RAB5A: variants seen among roughly 807,000 people sequenced by gnomAD.
RAB5A encodes the protein RAB5A, member RAS oncogene family, also known as ras-related protein Rab-5A.
RAB5A carries 8 observed loss-of-function variants against 25.7 expected under a neutral mutation model. That is an observed-to-expected ratio of 0.31 (90% CI 0.18 to 0.56). The LOEUF (loss-of-function observed/expected upper bound fraction) is 0.56, where lower values mean the gene tolerates loss of function less well. Among genes scored for constraint, RAB5A ranks in the 20% least tolerant of loss-of-function variants. The pLI is 0.91. For missense variants in RAB5A, 192 were observed against 259.7 expected (o/e 0.74, Z 1.79); for synonymous variants, 98 against 89.8 (o/e 1.09, Z -0.52).
chr3:19,973,010 A>T (rs1486542869), intron 2 of RAB5A, among the ~76,000 whole-genome samples: 1 of 152,232 alleles, frequency 6.6e-6, no homozygotes, highest in Non-Finnish European at 1.5e-5. Flanking sequence ...TTTGCCACAC[A>T]CTTAATACTA....
rs1227366526 is a variant in RAB5A at position 19,984,287 on chromosome 3, C to T, written c.*464C>T. The T allele has an allele frequency of 2.3e-6, 1 of 430,004 alleles. No homozygotes were observed. Among genetic ancestry groups the T allele is most frequent in the East Asian group, 7.2e-5 (1 of 13,906 alleles). The allele number at this position is 430,004 out of a possible 1,614,324, so 26.6% of individuals were successfully genotyped here. On this transcript the variant is annotated 3_prime_UTR_variant, in exon 6 of 6. Transcript: ENST00000273047. ...ATAGTATTCAGGCAAATGTTCATTTCTCCTGGTACCTGTATTTAAAATGTA... is the reference window on the plus strand; with the variant it reads ...ATAGTATTCAGGCAAATGTTCATTTTTCCTGGTACCTGTATTTAAAATGTA...
At chr3:19,959,138 G>A (rs945482825) in intron 2 of RAB5A, among the ~76,000 whole-genome samples, 2 of 152,152 alleles carry the variant, frequency 1.3e-5, no homozygotes, top group Non-Finnish European at 2.9e-5. Context: ...TATTCAAGCT[G>A]TTTGGTAGAA....
chr3:19,969,048 T>TTG (rs1330125874), intron 2 of RAB5A, among the ~76,000 whole-genome samples: 7 of 138,976 alleles, frequency 5.0e-5, no homozygotes, highest in Non-Finnish European at 9.5e-5. Flanking sequence ...TTTTTTGGTT[T>TTG]TTTTTTTTTT....
chr3:19,951,801 A>G (rs965372247), intron 2 of RAB5A, among the ~76,000 whole-genome samples: 10 of 149,486 alleles, frequency 6.7e-5, no homozygotes, highest in African/African-American at 2.5e-4. Flanking sequence ...CCTCCCAGGT[A>G]GCTGTGATTA....
intron 2 of RAB5A, 121 bp downstream of exon 2, chr3:19,951,182 G>A (rs1696417253): frequency 8.8e-7 from 1 of 1,141,922 alleles, no homozygotes; most frequent in Non-Finnish European, 1.2e-6. Flanking sequence ...GAAAAGAGCT[G>A]TTCAGCTTAC....
chr3:19,960,601 T>C (rs1696571568), intron 2 of RAB5A, among the ~76,000 whole-genome samples: 1 of 152,174 alleles, frequency 6.6e-6, no homozygotes, highest in Non-Finnish European at 1.5e-5. Context: ...TTTTCAGGCA[T>C]CATTTTTTGT....
At chr3:19,963,473 A>G (rs1696620391) in intron 2 of RAB5A, among the ~76,000 whole-genome samples, 1 of 149,520 alleles carries the variant, frequency 6.7e-6, no homozygotes, top group South Asian at 2.1e-4. Context: ...AAAGAATTCT[A>G]ATCTTCATCC....
chr3:19,980,582 C>T (rs114296948), intron 5 of RAB5A, among the ~76,000 whole-genome samples: 1,750 of 152,150 alleles, frequency 0.012, 35 homozygotes, highest in African/African-American at 0.04. Context: ...CCTTCATCCT[C>T]TTAATCTCAC....
chr3:19,976,006 T>G, intron 3 of RAB5A, 41 bp from the exon 4 acceptor site: 1 of 1,585,774 alleles, frequency 6.3e-7, no homozygotes, highest in East Asian at 2.2e-5. Flanking sequence ...TGGTAACCAT[T>G]TTTTGAGCCT....
intron 5 of RAB5A, among the ~76,000 whole-genome samples, chr3:19,982,945 A>G (rs753659348): frequency 1.3e-5 from 2 of 152,290 alleles, no homozygotes; most frequent in South Asian, 2.1e-4. Flanking sequence ...GTTCTAAAAA[A>G]TGTTTGTGGC....
chr3:19,959,289 A>G (rs921166963), intron 2 of RAB5A, among the ~76,000 whole-genome samples: 4 of 152,178 alleles, frequency 2.6e-5, no homozygotes, highest in African/African-American at 9.6e-5. Flanking sequence ...CTAAAACTAG[A>G]AATCAGGGAC....
intron 2 of RAB5A, among the ~76,000 whole-genome samples, chr3:19,967,912 T>G (rs770788079): frequency 1.3e-5 from 2 of 152,158 alleles, no homozygotes; most frequent in Non-Finnish European, 2.9e-5. Context: ...ATGGCCTCAG[T>G]TTTTATTTTT....
intron 2 of RAB5A, among the ~76,000 whole-genome samples, chr3:19,957,899 G>A (rs193218526): frequency 1.3e-5 from 2 of 152,184 alleles, no homozygotes; most frequent in African/African-American, 2.4e-5. Context: ...AAGCTGGGGG[G>A]AATAAAGTTA....
At chr3:19,975,211 T>C (rs1027088133) in intron 2 of RAB5A, among the ~76,000 whole-genome samples, 8 of 124,056 alleles carry the variant, frequency 6.4e-5, no homozygotes, top group Admixed American at 4.7e-4. Context: ...GAGACTCTTG[T>C]ATCAAAAAAA....
At chr3:19,955,419 A>C (rs1034457704) in intron 2 of RAB5A, among the ~76,000 whole-genome samples, 12 of 152,236 alleles carry the variant, frequency 7.9e-5, no homozygotes, top group African/African-American at 2.9e-4. Context: ...AAAATGTAGA[A>C]TCCCGTGTTG....
chr3:19,965,419 T>TA (rs35939974), intron 2 of RAB5A, among the ~76,000 whole-genome samples: 336 of 141,700 alleles, frequency 2.4e-3, no homozygotes, highest in East Asian at 3.8e-3. Flanking sequence ...GACCCTGTCT[T>TA]AAAAAAAAAA....
At chr3:19,959,443 T>C (rs1464372914) in intron 2 of RAB5A, among the ~76,000 whole-genome samples, 1 of 111,410 alleles carries the variant, frequency 9.0e-6, no homozygotes, top group Admixed American at 8.4e-5. Context: ...TATGTACTAA[T>C]TTATATATAT....
chr3:19,963,364 A>ACCCC (rs201742105), intron 2 of RAB5A, among the ~76,000 whole-genome samples: 1 of 60,960 alleles, frequency 1.6e-5, no homozygotes, highest in African/African-American at 6.9e-5. Context: ...TTAGAATTTC[A>ACCCC]CCCCCCCCCC....
chr3:19,954,392 C>T (rs1204930949), intron 2 of RAB5A, among the ~76,000 whole-genome samples: 1 of 152,152 alleles, frequency 6.6e-6, no homozygotes, highest in Non-Finnish European at 1.5e-5. Context: ...AAATTTTAAT[C>T]TCTATTTGAT....
Sources: allele counts gnomAD v4.1 joint callset (sites outside exome capture counted in the v4.1 genomes callset), GRCh38; gene constraint gnomAD v4.1.1; transcripts MANE v1.5; gene names NCBI Gene and HGNC (gene_info 2026-07-23, HGNC 2026-07-21).